Variants in ZNF366 observed in about 807,000 individuals in gnomAD.
The protein encoded by ZNF366 is zinc finger protein 366.
ZNF366 carries 20 observed loss-of-function variants against 47.2 expected under a neutral mutation model. That is an observed-to-expected ratio of 0.42 (90% CI 0.30 to 0.62). ZNF366 has a LOEUF of 0.62. Ranked by LOEUF, ZNF366 falls within the 20% of genes least tolerant of loss-of-function variation. The pLI is 0.16. For missense variants in ZNF366, 987 were observed against 976.3 expected, an observed-to-expected ratio of 1.01 and a Z score of -0.15; for synonymous variants, 421 against 395.1, an observed-to-expected ratio of 1.07 and a Z score of -0.78.
chr5:72,447,197 G>T lies in ZNF366; in HGVS notation c.1699+46C>A, dbSNP rs10043295. Reference sequence around the variant, plus strand: ...CATAAAACGAATTCAGCTCCCATTTGTTGTCCACTGGACTGACTTGCAGGG... The same window carrying T: ...CATAAAACGAATTCAGCTCCCATTTTTTGTCCACTGGACTGACTTGCAGGG... On this transcript the variant is annotated intron_variant, in intron 4 of 4. Coordinates refer to ENST00000318442, the MANE Select transcript of ZNF366 (RefSeq NM_152625.3). 3 of 1,601,734 alleles carry T rather than the reference G, an allele frequency of 1.9e-6. No individual in the cohort carries two copies. The Admixed American group carries it at 5.1e-5, about 27-fold the overall frequency.
rs1743296565 is a variant in ZNF366, at chr5:72,460,957, G to A, written c.540C>T (p.Val180=). 6.2e-7 allele frequency: 1 copy of A among 1,612,484 alleles called. No homozygotes were observed. Among genetic ancestry groups the A allele is most frequent in the Admixed American group, 1.7e-5 (1 of 59,970 alleles). The change falls in exon 2 of 5, where the codon GTC becomes GTT. Residue 180 remains valine (V), a synonymous_variant. Transcript: ENST00000318442. ...AGAAGGGGAACATGAGGCCCGGGTG[G>A]ACTTTGGGGTAGTAGGGGTAGGGCG... The part of the protein sequence containing the change: ...LPTPYPYYPK[V]HPGLMFPFFV...
In ZNF366 at chr5:72,444,184, C is replaced by A. The variant is rs1742914357; in HGVS notation, c.1807G>T (p.Val603Leu). 14 of 1,613,494 alleles carry A rather than the reference C, an allele frequency of 8.7e-6. No individual in the cohort carries two copies. Among genetic ancestry groups the A allele is most frequent in the Non-Finnish European group, 1.2e-5 (14 of 1,180,032 alleles). Reference protein sequence around the residue: ...LSQKRRAKVPVFQSDGESAQG... With the variant: ...LSQKRRAKVPLFQSDGESAQG... ...GCACTCTCCCCGTCTGACTGGAACA[C>A]CGGCACCTTGGCCCGGCGCTTCTGA... is the stretch of plus-strand genomic sequence containing the variant. The change falls in exon 5 of 5, where the codon GTG (valine) becomes TTG (leucine). Residue 603 changes from valine (V) to leucine (L), a missense_variant. By Grantham distance (32) the Val-to-Leu change is conservative. This residue lies in a region of ZNF366 where 285 missense variants were observed against 234.8 expected (regional missense o/e 1.21). Transcript: ENST00000318442.
intron 1 of ZNF366, among the ~76,000 whole-genome samples, chr5:72,465,347 T>C (rs1166170324): frequency 1.3e-5 from 2 of 152,078 alleles, no homozygotes; most frequent in African/African-American, 4.8e-5. Context: ...CAACAAAATC[T>C]AGCAAACAAA....
At chr5:72,491,798 C>CA (rs1185176102) in intron 1 of ZNF366, among the ~76,000 whole-genome samples, 1 of 152,096 alleles carries the variant, frequency 6.6e-6, no homozygotes, top group East Asian at 1.9e-4. Context: ...TAAAGAAAAT[C>CA]AATCATTTTA....
chr5:72,453,589 G>A (rs750182049), intron 3 of ZNF366, among the ~76,000 whole-genome samples: 3 of 152,234 alleles, frequency 2.0e-5, no homozygotes, highest in Non-Finnish European at 4.4e-5. Context: ...TCTTGAGATG[G>A]CTCACGCCAC....
intron 1 of ZNF366, among the ~76,000 whole-genome samples, chr5:72,474,989 G>T (rs1248358201): frequency 6.6e-6 from 1 of 152,134 alleles, no homozygotes; most frequent in African/African-American, 2.4e-5. Context: ...TGTTTCTCTT[G>T]AACTTTTCTG....
intron 1 of ZNF366, among the ~76,000 whole-genome samples, chr5:72,476,605 A>G (rs918630078): frequency 6.6e-6 from 1 of 152,182 alleles, no homozygotes; most frequent in African/African-American, 2.4e-5. Context: ...CTGTATGTCA[A>G]GATTGAGTTG....
chr5:72,487,779 AAATATGGGT>A (rs1743920435), intron 1 of ZNF366, among the ~76,000 whole-genome samples: 1 of 152,220 alleles, frequency 6.6e-6, no homozygotes, highest in African/African-American at 2.4e-5. Context: ...AGTAGTGGAC[AAATATGGGT>A]ATTTTGCAAA....
intron 1 of ZNF366, among the ~76,000 whole-genome samples, chr5:72,494,966 A>G (rs552167499): frequency 7.1e-4 from 108 of 152,220 alleles, no homozygotes; most frequent in African/African-American, 2.6e-3. Context: ...ATAATGTCAC[A>G]ATCTTGTAGT....
intron 1 of ZNF366, among the ~76,000 whole-genome samples, chr5:72,493,993 G>A (rs1054299293): frequency 3.0e-5 from 4 of 135,286 alleles, no homozygotes; most frequent in South Asian, 4.8e-4. Context: ...GGCCAGTCTC[G>A]AACTCCTGAC....
intron 1 of ZNF366, among the ~76,000 whole-genome samples, chr5:72,462,765 G>C (rs1009345383): frequency 7.9e-5 from 12 of 151,988 alleles, no homozygotes; most frequent in African/African-American, 2.4e-4. Context: ...TGGCCAGGCT[G>C]GTCTTGAACT....
At chr5:72,457,948 T>A (rs1267559981) in intron 2 of ZNF366, among the ~76,000 whole-genome samples, 2 of 152,098 alleles carry the variant, frequency 1.3e-5, no homozygotes, top group East Asian at 3.8e-4. Flanking sequence ...ACACTGAGTT[T>A]AAGATTATAA....
At chr5:72,462,341 G>A (rs987971203) in intron 1 of ZNF366, among the ~76,000 whole-genome samples, 3 of 152,062 alleles carry the variant, frequency 2.0e-5, no homozygotes, top group Admixed American at 2.0e-4. Flanking sequence ...TCTCCTTTCA[G>A]ACAGGTGTCA....
chr5:72,488,805 A>C (rs1743947616), intron 1 of ZNF366, among the ~76,000 whole-genome samples: 1 of 152,214 alleles, frequency 6.6e-6, no homozygotes, highest in Non-Finnish European at 1.5e-5. Context: ...ACTATAGGAG[A>C]GCAAAGAGCT....
intron 1 of ZNF366, among the ~76,000 whole-genome samples, chr5:72,502,375 G>T (rs896606340): frequency 1.3e-5 from 2 of 152,102 alleles, no homozygotes; most frequent in East Asian, 3.9e-4. Flanking sequence ...TGTTTCTGAG[G>T]GTGCACATTA....
chr5:72,453,889 G>T (rs928004568), intron 3 of ZNF366, among the ~76,000 whole-genome samples: 6 of 152,118 alleles, frequency 3.9e-5, no homozygotes, highest in Non-Finnish European at 7.4e-5. Flanking sequence ...TCACAAGAAC[G>T]CCCTTTCACA....
intron 1 of ZNF366, among the ~76,000 whole-genome samples, chr5:72,488,698 G>A (rs72761196): frequency 6.6e-6 from 1 of 152,296 alleles, no homozygotes; most frequent in African/African-American, 2.4e-5. Context: ...TGGGGCATGT[G>A]CATACCCCCT....
chr5:72,492,370 C>T (rs1376320187), intron 1 of ZNF366, among the ~76,000 whole-genome samples: 2 of 152,162 alleles, frequency 1.3e-5, no homozygotes, highest in African/African-American at 4.8e-5. Context: ...ATCACTATGA[C>T]CTGTCATCTG....
At chr5:72,472,788 TC>T (rs555954103) in intron 1 of ZNF366, among the ~76,000 whole-genome samples, 49 of 152,248 alleles carry the variant, frequency 3.2e-4, no homozygotes, top group African/African-American at 1.1e-3. Context: ...GTAAAGTCCT[TC>T]CCCGGGGCCC....
Sources: gnomAD v4.1 joint callset for allele counts (sites outside exome capture counted in the v4.1 genomes callset) on GRCh38, gnomAD v4.1.1 for gene constraint, gnomAD v4.1.1 regional missense constraint, MANE v1.5 for transcripts, NCBI Gene and HGNC (gene_info 2026-07-23, HGNC 2026-07-21) for gene names.